The following WNK4 variants were observed in gnomAD, a reference collection of about 807,000 sequenced individuals.
The protein encoded by WNK4 is WNK lysine deficient protein kinase 4, also known as serine/threonine-protein kinase WNK4.
In WNK4, 94 loss-of-function variants were observed where a neutral mutation model predicts 116.2. The observed-to-expected ratio is 0.81, with a 90% CI of 0.68 to 0.96. The LOEUF (loss-of-function observed/expected upper bound fraction) is 0.96. Ranked by LOEUF, WNK4 falls within the 40% of genes least tolerant of loss-of-function variation. The probability of loss-of-function intolerance (pLI) is 0.00; values close to 1 mark genes in which losing one functional copy is unlikely to be tolerated. For synonymous variants in WNK4, 655 were observed against 672.7 expected (o/e 0.97, Z 0.41); for missense variants, 1,542 against 1,650.6 (o/e 0.93, Z 1.14).
chr17:42,783,845 C>G, intron 2 of WNK4, 92 bp from the exon 3 acceptor site: 1 of 1,226,920 alleles, frequency 8.2e-7, no homozygotes. Context: ...GAGGCGGCAG[C>G]AGGGTGCGGC....
In WNK4 at chr17:42,784,664, T is replaced by C; in HGVS notation, c.1170+85T>C. The C allele has an allele frequency of 6.4e-7, 1 of 1,561,606 alleles. No individual in the cohort carries two copies. Among genetic ancestry groups the C allele is most frequent in the African/African-American group, 1.4e-5 (1 of 73,996 alleles). ...CCGGCCAGCCCGCAGTCAATGCCCT[T>C]TGCCTGCACGAAAACAGGCTAGACA... On this transcript the variant is annotated intron_variant, in intron 4 of 18. Transcript: ENST00000246914. The surrounding 1 kb of genome is among the most constrained non-coding windows in gnomAD (Gnocchi z 4.4).
At chr17:42,785,800 T>TTTCTTC (rs1459985691) in intron 6 of WNK4, among the ~76,000 whole-genome samples, 1 of 152,222 alleles carries the variant, frequency 6.6e-6, no homozygotes, top group African/African-American at 2.4e-5. Context: ...TCTTTTTCTT[T>TTTCTTC]TTCTTCCAAT....
At chr17:42,787,577 G>T in intron 7 of WNK4, 35 bp downstream of exon 7, 1 of 1,611,636 alleles carries the variant, frequency 6.2e-7, no homozygotes. Flanking sequence ...GTAGGTCCCA[G>T]AACACCTTGG....
intron 12 of WNK4, chr17:42,794,138 G>A: frequency 3.1e-6 from 1 of 326,052 alleles, no homozygotes; most frequent in East Asian, 8.5e-5. Context: ...ACAGGTGTGA[G>A]CCACCGTGCC....
rs530323935 is a variant in WNK4, at chr17:42,782,450, C to T, written c.619-308C>T. On this transcript the variant is annotated intron_variant, in intron 1 of 18. Coordinates refer to ENST00000246914, the MANE Select transcript of WNK4 (RefSeq NM_032387.5). The surrounding 1 kb of genome is among the most constrained non-coding windows in gnomAD (Gnocchi z 4.2). ...CGGGTGCCCCCTCCCGCCCCATGGCCGGCCTGGGCAGCCACAAAGGCACTA... is the reference window on the plus strand; with the variant it reads ...CGGGTGCCCCCTCCCGCCCCATGGCTGGCCTGGGCAGCCACAAAGGCACTA... Among the ~76,000 whole-genome samples the T allele has an allele frequency of 2.0e-5, 3 of 152,346 alleles. No homozygotes were observed. The highest frequency in any genetic ancestry group is 2.1e-4 in the South Asian group (1 of 4,834).
chr17:42,785,241 C>T (rs531620270), intron 5 of WNK4, 25 bp from the exon 6 acceptor site: 4 of 1,607,344 alleles, frequency 2.5e-6, no homozygotes, highest in East Asian at 2.2e-5. Flanking sequence ...GCGGCGGGCT[C>T]GGCTCACCCA....
In WNK4 at chr17:42,783,977, C is replaced by T; in HGVS notation, c.832C>T (p.Gln278Ter). The change falls in exon 3 of 19, where the codon CAG becomes TAG. Residue 278 changes from glutamine (Q) to a stop codon, truncating the protein, a stop_gained. Coordinates refer to ENST00000246914, the MANE Select transcript of WNK4 (RefSeq NM_032387.5). LOFTEE classifies it high-confidence loss of function. The stretch of plus-strand genomic sequence containing the variant: ...CCGGGAGATGAAGCCGCGGGTCCTT[C>T]AGCGCTGGAGCCGCCAAATCCTGCG... The part of the protein sequence containing the change: ...RFREMKPRVL[Q>*]RWSRQILRGL... 1 of 1,614,030 alleles carries T rather than the reference C, an allele frequency of 6.2e-7. No homozygotes were observed. Among genetic ancestry groups the T allele is most frequent in the South Asian group, 1.1e-5 (1 of 91,084 alleles).
intron 16 of WNK4, 32 bp from the exon 17 acceptor site, chr17:42,796,091 C>G (rs778409192): frequency 6.2e-7 from 1 of 1,613,958 alleles, no homozygotes; most frequent in Non-Finnish European, 8.5e-7. Flanking sequence ...AGGTGTGTGG[C>G]TAGCCCTTTC....
Position 42,795,392 on chromosome 17 carries a change from A to C in WNK4, c.2961+10A>C. The C allele has an allele frequency of 6.2e-7, 1 of 1,614,112 alleles. No homozygotes were observed. The highest frequency in any genetic ancestry group is 8.5e-7 in the Non-Finnish European group (1 of 1,180,010). On this transcript the variant is annotated intron_variant, in intron 14 of 18. Transcript: ENST00000246914. ...TGAGGTGGAGAGTGAGGTGAGTAGA[A>C]AACCAAGAGGGATGATTAGGGAGAC...
chr17:42,794,649 C>G lies in WNK4; in HGVS notation c.2331C>G (p.Pro777=). ...EPAPLPALPV[P]LPDPSNEELQ... ...CACCATTACCTGCCCTGCCCGTCCC[C>G]CTCCCAGACCCATCCAATGGTATGT... Residue 777 remains proline, a synonymous_variant, in exon 13 of 19, where the codon CCC becomes CCG. Transcript: ENST00000246914. The G allele has an allele frequency of 6.2e-7, 1 of 1,613,996 alleles. No individual in the cohort carries two copies. Among genetic ancestry groups the G allele is most frequent in the Non-Finnish European group, 8.5e-7 (1 of 1,179,992 alleles).
chr17:42,793,556 C>T (rs372753331), intron 11 of WNK4, 36 bp from the exon 12 acceptor site: 1 of 1,612,286 alleles, frequency 6.2e-7, no homozygotes, highest in South Asian at 1.1e-5. Context: ...AGTGAGATAA[C>T]AAGCTCTCCC....
At position 42,788,710 on chromosome 17, in the gene WNK4, G is replaced by A; in HGVS notation, c.2070G>A (p.Glu690=). 6.2e-7 allele frequency: 1 copy of A among 1,614,196 alleles called. No individual in the cohort carries two copies. The highest frequency in any genetic ancestry group is 8.5e-7 in the Non-Finnish European group (1 of 1,180,030). ...SVSDQNDRVV[E]CQLQTHNSKM... ...CAGACCAGAATGACAGAGTGGTTGA[G>A]TGCCAGCTACAGACCCATAACAGCA... The change falls in exon 11 of 19, where the codon GAG becomes GAA. Residue 690 remains glutamate (E), a synonymous_variant. Transcript: ENST00000246914.
rs2054574942 is a variant in WNK4, at chr17:42,788,403, C to T, written c.2036C>T (p.Thr679Ile). The change falls in exon 10 of 19, where the codon ACT (threonine) becomes ATT (isoleucine). Residue 679 changes from threonine to isoleucine, a missense_variant. Around this residue, in one of 7 missense-constraint regions of WNK4, gnomAD observed 808 missense variants for 873.6 expected, o/e 0.92. Coordinates refer to ENST00000246914, the MANE Select transcript of WNK4 (RefSeq NM_032387.5). ...AGACCCCGATCCCGGCTGCGGGTCA[C>T]TAGTGTAAGGATGGAGTACAGGAGA... Reference protein sequence around the residue: ...RRRPRSRLRVTSVSDQNDRVV... With the variant: ...RRRPRSRLRVISVSDQNDRVV... 1 of 1,612,332 alleles carries T rather than the reference C, an allele frequency of 6.2e-7. No homozygotes were observed. Among genetic ancestry groups the T allele is most frequent in the Non-Finnish European group, 8.5e-7 (1 of 1,179,828 alleles).
chr17:42,793,036 T>G (rs1026183137), intron 11 of WNK4, among the ~76,000 whole-genome samples: 1 of 152,190 alleles, frequency 6.6e-6, no homozygotes, highest in Admixed American at 6.5e-5. Context: ...CCCAGAAAGT[T>G]ACTGGTGGTG....
At chr17:42,788,585 C>A in intron 10 of WNK4, 96 bp from the exon 11 acceptor site, 2 of 1,199,804 alleles carry the variant, frequency 1.7e-6, no homozygotes, top group Non-Finnish European at 2.5e-6. Context: ...ATCTCCAAGT[C>A]CATTGTGGCT....
At chr17:42,787,585 T>G in intron 7 of WNK4, 43 bp downstream of exon 7, 3 of 1,610,842 alleles carry the variant, frequency 1.9e-6, no homozygotes, top group Non-Finnish European at 2.5e-6. Context: ...CAGAACACCT[T>G]GGCCTCTGCC....
rs777341800 is a variant in WNK4, at chr17:42,788,663, C to T, written c.2041-18C>T. Reference sequence around the variant, plus strand: ...AGAGGGCTTGACCTTCTCCCCTCTGCTGACTTTGAATCTGAAGGTCTCAGA... The same window carrying T: ...AGAGGGCTTGACCTTCTCCCCTCTGTTGACTTTGAATCTGAAGGTCTCAGA... On this transcript the variant is annotated intron_variant, in intron 10 of 18. Coordinates refer to ENST00000246914, the MANE Select transcript of WNK4 (RefSeq NM_032387.5). The T allele has an allele frequency of 1.6e-5, 26 of 1,600,896 alleles. No homozygotes were observed. In the South Asian group the frequency reaches 2.1e-4, roughly 13 times the overall value.
At chr17:42,786,064 G>T (rs765447866) in intron 6 of WNK4, among the ~76,000 whole-genome samples, 6 of 152,122 alleles carry the variant, frequency 3.9e-5, no homozygotes, top group Non-Finnish European at 8.8e-5. Context: ...TCTGTACATG[G>T]CTTAAAGCAC....
Position 42,785,252 on chromosome 17 carries a change from C to A in WNK4, c.1260-14C>A. On this transcript the variant is annotated splice_polypyrimidine_tract_variant and intron_variant, in intron 5 of 18. Transcript: ENST00000246914. ...GGCCGCGGCGGGCTCGGCTCACCCA[C>A]GCGTCACCCTCAGGTTCACCATCCA... The A allele has an allele frequency of 6.2e-7, 1 of 1,607,536 alleles. No homozygotes were observed. The highest frequency in any genetic ancestry group is 8.5e-7 in the Non-Finnish European group (1 of 1,177,496).
Sources: allele counts gnomAD v4.1 joint callset (sites outside exome capture counted in the v4.1 genomes callset), GRCh38; gene constraint gnomAD v4.1.1; regional missense constraint gnomAD v4.1.1; non-coding constraint Gnocchi (gnomAD v3.1); transcripts MANE v1.5; gene names NCBI Gene and HGNC (gene_info 2026-07-23, HGNC 2026-07-21).